MAP3K7: variants seen among roughly 807,000 people sequenced by gnomAD.
MAP3K7 encodes TGF-beta activated kinase 1.
Under a neutral mutation model 84.8 loss-of-function variants are expected in MAP3K7, and 21 were observed. The observed-to-expected ratio is 0.25, with a 90% CI of 0.18 to 0.36. The LOEUF is 0.36. Ranked by LOEUF, MAP3K7 falls within the 10% of genes least tolerant of loss-of-function variation. The pLI, the probability that MAP3K7 is intolerant of heterozygous loss-of-function variation, is 1.00. For synonymous variants in MAP3K7, 241 were observed against 247.7 expected, an observed-to-expected ratio of 0.97 and a Z score of 0.25; for missense variants, 503 against 747.7, an observed-to-expected ratio of 0.67 and a Z score of 3.82.
intron 13 of MAP3K7, among the ~76,000 whole-genome samples, chr6:90,535,252 A>G (rs1412809472): frequency 2.0e-5 from 3 of 151,994 alleles, no homozygotes; most frequent in Non-Finnish European, 2.9e-5. Context: ...ATTAATGACT[A>G]CAAAGGATCT....
At chr6:90,516,809 C>T (rs1242219032) in intron 16 of MAP3K7, 128 bp from the exon 17 acceptor site, 4 of 661,106 alleles carry the variant, frequency 6.1e-6, no homozygotes, top group East Asian at 2.9e-5. Context: ...GTACACTAAT[C>T]AAATATAATT....
At position 90,545,243 on chromosome 6, in the gene MAP3K7, G is replaced by T. The variant is rs157682; in HGVS notation, c.1211-611C>A. ...CAGTAAACACAAAGTCTGTCAAAAGGCTGGAAAGTATGACTCTTTCCAAGT... is the reference window on the plus strand; with the variant it reads ...CAGTAAACACAAAGTCTGTCAAAAGTCTGGAAAGTATGACTCTTTCCAAGT... On this transcript the variant is annotated intron_variant, in intron 11 of 16. Transcript: ENST00000369329. Among the ~76,000 whole-genome samples the T allele has an allele frequency of 2.0e-5, 3 of 151,762 alleles. No individual in the cohort carries two copies. The South Asian group carries it at 6.2e-4, about 31-fold the overall frequency.
At chr6:90,536,015 A>G (rs914459876) in intron 13 of MAP3K7, among the ~76,000 whole-genome samples, 12 of 152,180 alleles carry the variant, frequency 7.9e-5, no homozygotes, top group Non-Finnish European at 1.6e-4. Context: ...TTTAAAGGAC[A>G]CTTTAATGAT....
At chr6:90,581,008 A>G (rs973029564) in intron 1 of MAP3K7, among the ~76,000 whole-genome samples, 2 of 152,238 alleles carry the variant, frequency 1.3e-5, no homozygotes, top group Non-Finnish European at 2.9e-5. Flanking sequence ...AAAATACAGA[A>G]GAATATGAGA....
Position 90,544,623 on chromosome 6 carries a change from T to C in MAP3K7, c.1220A>G (p.Lys407Arg). 2 of 1,612,190 alleles carry C rather than the reference T, an allele frequency of 1.2e-6. No individual in the cohort carries two copies. The highest frequency in any genetic ancestry group is 1.7e-6 in the Non-Finnish European group (2 of 1,178,786). ...ARIAATTAYS[K>R]PKRGHRKTAS... ...AGTTTTACGGTGGCCCCGTTTAGGC[T>C]TGGAATAGGCTGCAAAAACACATAT... Residue 407 changes from lysine to arginine, a missense_variant, in exon 12 of 17, where the codon AAG becomes AGG. By Grantham distance (26) the Lys-to-Arg change is conservative (BLOSUM62 2). This residue lies in a region of MAP3K7 where 286 missense variants were observed against 313.6 expected (regional missense o/e 0.91). Coordinates refer to ENST00000369329, the MANE Select transcript of MAP3K7 (RefSeq NM_145331.3).
chr6:90,535,526 G>A lies in MAP3K7; in HGVS notation c.1356+811C>T, dbSNP rs1775643223. 2.6e-5 allele frequency among the ~76,000 whole-genome samples: 4 copies of A among 151,816 alleles called. No homozygotes were observed. The South Asian group carries it at 8.3e-4, about 32-fold the overall frequency. On this transcript the variant is annotated intron_variant, in intron 13 of 16. Transcript: ENST00000369329. ...CTCTCATAAAACTTATTCTTGTACAGCTGAAAACAAACACCTTATAATTAA... is the reference window on the plus strand; with the variant it reads ...CTCTCATAAAACTTATTCTTGTACAACTGAAAACAAACACCTTATAATTAA...
At chr6:90,559,946 T>G (rs1288662449) in intron 5 of MAP3K7, 130 bp downstream of exon 5, 2 of 955,482 alleles carry the variant, frequency 2.1e-6, no homozygotes, top group Admixed American at 2.7e-5. Context: ...AAGTAAACAC[T>G]GAGTAAGCCA....
chr6:90,529,691 AT>A (rs1775437743), intron 13 of MAP3K7, among the ~76,000 whole-genome samples: 1 of 152,114 alleles, frequency 6.6e-6, no homozygotes, highest in Non-Finnish European at 1.5e-5. Context: ...TTCACACGAG[AT>A]TTTTTTCTTC....
Position 90,587,050 on chromosome 6 carries a change from C to T in MAP3K7, c.-167G>A. On this transcript the variant is annotated 5_prime_UTR_variant, in exon 1 of 17. Coordinates refer to ENST00000369329, the MANE Select transcript of MAP3K7 (RefSeq NM_145331.3). ...GCAGCGGCCACAGCCGTGTCCGGCT[C>T]TGGCTCCGCTGCGTTTTCCGCCGAC... The T allele has an allele frequency of 3.9e-6, 3 of 760,150 alleles. No individual in the cohort carries two copies. The allele number at this position is 760,150 out of a possible 1,614,324, so 47.1% of individuals were successfully genotyped here.
At chr6:90,535,394 T>C (rs1775637263) in intron 13 of MAP3K7, among the ~76,000 whole-genome samples, 1 of 151,826 alleles carries the variant, frequency 6.6e-6, no homozygotes, top group Admixed American at 6.6e-5. Flanking sequence ...TTTACAAAAA[T>C]ATGGGTCACG....
At chr6:90,567,367 GA>G (rs1181870436) in intron 3 of MAP3K7, among the ~76,000 whole-genome samples, 1 of 152,074 alleles carries the variant, frequency 6.6e-6, no homozygotes, top group Non-Finnish European at 1.5e-5. Context: ...AAATTTACAA[GA>G]AAAAATCAAA....
chr6:90,553,821 T>A (rs1268694474), intron 6 of MAP3K7, among the ~76,000 whole-genome samples: 1 of 152,200 alleles, frequency 6.6e-6, no homozygotes. Flanking sequence ...ATTTTCTATC[T>A]TTTTTCATCA....
intron 12 of MAP3K7, chr6:90,542,359 G>A (rs1162073432): frequency 3.0e-6 from 3 of 983,710 alleles, no homozygotes; most frequent in Non-Finnish European, 2.4e-6. Context: ...GATATCTGAG[G>A]GGGGAAAAGC....
chr6:90,536,256 A>G (rs1562085836), intron 13 of MAP3K7, 81 bp downstream of exon 13: 4 of 1,149,918 alleles, frequency 3.5e-6, no homozygotes, highest in Middle Eastern at 2.0e-4. Context: ...TCATAAAACT[A>G]ATTTTGCAGA....
chr6:90,553,645 A>T, intron 6 of MAP3K7, 59 bp from the exon 7 acceptor site: 1 of 1,474,908 alleles, frequency 6.8e-7, no homozygotes, highest in South Asian at 1.3e-5. Flanking sequence ...GACTTACAGA[A>T]ACAATGGCTT....
chr6:90,517,476 C>A (rs1775003869), intron 16 of MAP3K7, among the ~76,000 whole-genome samples: 1 of 151,774 alleles, frequency 6.6e-6, no homozygotes, highest in Admixed American at 6.6e-5. Context: ...ACACCCTAAT[C>A]CACCATTTGT....
chr6:90,586,718 G>A (rs1384113121), intron 1 of MAP3K7, 46 bp downstream of exon 1: 6 of 1,544,128 alleles, frequency 3.9e-6, no homozygotes, highest in Non-Finnish European at 5.2e-6. Context: ...CAGAGGCGGG[G>A]GCGGGGCAGG....
At chr6:90,555,683 G>A (rs1037076679) in intron 6 of MAP3K7, among the ~76,000 whole-genome samples, 1 of 152,146 alleles carries the variant, frequency 6.6e-6, no homozygotes, top group Non-Finnish European at 1.5e-5. Flanking sequence ...AAGTTTCTGA[G>A]AACACTGAAT....
At chr6:90,571,537 C>T (rs769441378) in intron 2 of MAP3K7, among the ~76,000 whole-genome samples, 160 bp downstream of exon 2, 18 of 151,794 alleles carry the variant, frequency 1.2e-4, no homozygotes, top group Non-Finnish European at 1.8e-4. Context: ...AGAGTATGAA[C>T]GAGAAAATGT....
Sources: gnomAD v4.1 joint callset for allele counts (sites outside exome capture counted in the v4.1 genomes callset) on GRCh38, gnomAD v4.1.1 for gene constraint, gnomAD v4.1.1 regional missense constraint, MANE v1.5 for transcripts, NCBI Gene and HGNC (gene_info 2026-07-23, HGNC 2026-07-21) for gene names.